Variants in INTS6 observed in about 807,000 individuals in gnomAD.
INTS6 encodes integrator complex subunit 6, also known as DEAD box protein.
INTS6 carries 16 observed loss-of-function variants against 104.9 expected under a neutral mutation model. The observed-to-expected ratio is 0.15, with a 90% CI of 0.10 to 0.23. The LOEUF is 0.23. Among genes scored for constraint, INTS6 ranks in the 10% least tolerant of loss-of-function variants. The pLI is 1.00. For synonymous variants in INTS6, 324 were observed against 358.7 expected (o/e 0.90, Z 1.09); for missense variants, 584 against 1,062.8 (o/e 0.55, Z 6.26).
intron 12 of INTS6, among the ~76,000 whole-genome samples, chr13:51,377,140 G>T (rs958313055): frequency 3.0e-4 from 46 of 152,026 alleles, no homozygotes; most frequent in African/African-American, 1.1e-3. Context: ...GGCTGATAAG[G>T]CTGAGTGTTA....
intron 3 of INTS6, chr13:51,450,700 C>T (rs1474650961): frequency 9.9e-7 from 1 of 1,008,486 alleles, no homozygotes; most frequent in African/African-American, 1.7e-5. Flanking sequence ...AATAGTTGCA[C>T]ATACAACATG....
intron 5 of INTS6, among the ~76,000 whole-genome samples, chr13:51,390,108 G>C (rs930271741): frequency 4.0e-5 from 6 of 151,796 alleles, no homozygotes; most frequent in Non-Finnish European, 8.8e-5. Context: ...AAATACTAGT[G>C]ATTTTTTTAA....
intron 17 of INTS6, among the ~76,000 whole-genome samples, chr13:51,366,191 C>G (rs895990249): frequency 6.6e-6 from 1 of 151,834 alleles, no homozygotes; most frequent in East Asian, 1.9e-4. Context: ...ATTTGGGCTC[C>G]CCAAGCAAAT....
At chr13:51,423,195 T>C (rs374069140) in intron 4 of INTS6, 1 of 414,022 alleles carries the variant, frequency 2.4e-6, no homozygotes, top group Non-Finnish European at 4.0e-6. Context: ...GCTGAATTAA[T>C]TTAAAATATA....
chr13:51,408,537 A>G (rs1424621799), intron 4 of INTS6, among the ~76,000 whole-genome samples: 1 of 152,206 alleles, frequency 6.6e-6, no homozygotes, highest in Non-Finnish European at 1.5e-5. Context: ...ATCATTTTGG[A>G]GAGCCATTAT....
Position 51,361,958 on chromosome 13 carries a change from A to C in INTS6, c.*3794T>G. 6.2e-7 allele frequency: 1 copy of C among 1,611,604 alleles called. No homozygotes were observed. Among genetic ancestry groups the C allele is most frequent in the Non-Finnish European group, 8.5e-7 (1 of 1,178,542 alleles). Reference sequence around the variant, plus strand: ...AGTGTCTCTCTAGCAACAAGGGCTCATTTGTCCACTATCCCCTCAAAAATA... The same window carrying C: ...AGTGTCTCTCTAGCAACAAGGGCTCCTTTGTCCACTATCCCCTCAAAAATA... On this transcript the variant is annotated 3_prime_UTR_variant, in exon 18 of 18. Coordinates refer to ENST00000311234, the MANE Select transcript of INTS6 (RefSeq NM_012141.3).
intron 15 of INTS6, among the ~76,000 whole-genome samples, chr13:51,369,944 G>A (rs1291402176): frequency 6.6e-6 from 1 of 152,098 alleles, no homozygotes; most frequent in Non-Finnish European, 1.5e-5. Flanking sequence ...CTTAACACCA[G>A]ATTATTAGAC....
At chr13:51,367,549 GAAT>G (rs1955716481) in intron 17 of INTS6, among the ~76,000 whole-genome samples, 1 of 151,942 alleles carries the variant, frequency 6.6e-6, no homozygotes, top group Admixed American at 6.6e-5. Context: ...CTACAGAGAA[GAAT>G]AACAAGAATT....
intron 15 of INTS6, among the ~76,000 whole-genome samples, chr13:51,370,399 C>T (rs1040963163): frequency 2.0e-5 from 3 of 152,146 alleles, no homozygotes; most frequent in Non-Finnish European, 4.4e-5. Context: ...CTATCTTAGG[C>T]CAATCTCCAG....
chr13:51,368,553 T>C (rs1270434204), intron 16 of INTS6, among the ~76,000 whole-genome samples: 1 of 152,176 alleles, frequency 6.6e-6, no homozygotes, highest in East Asian at 1.9e-4. Flanking sequence ...TATCACAGTT[T>C]AACTACTAAA....
Position 51,376,030 on chromosome 13 carries a change from T to C in INTS6, c.1729+18A>G, listed in dbSNP as rs1421365760. 7 of 1,582,046 alleles carry C rather than the reference T, an allele frequency of 4.4e-6. No individual in the cohort carries two copies. The East Asian group carries it at 1.6e-4, about 36-fold the overall frequency. On this transcript the variant is annotated intron_variant, in intron 13 of 17. Coordinates refer to ENST00000311234, the MANE Select transcript of INTS6 (RefSeq NM_012141.3). ...AGAAAAAAAATTAAAAATACCAGTA[T>C]TGAAACTATGTTCTAACCTTCGTCC...
chr13:51,400,383 T>C (rs1231848398), intron 4 of INTS6, among the ~76,000 whole-genome samples: 1 of 152,256 alleles, frequency 6.6e-6, no homozygotes, highest in Non-Finnish European at 1.5e-5. Context: ...GTGCTTTTTG[T>C]TTCCTCATAG....
In INTS6 at chr13:51,451,181, A is replaced by T. The variant is rs1953033989; in HGVS notation, c.190-7T>A. On this transcript the variant is annotated splice_region_variant and splice_polypyrimidine_tract_variant and intron_variant, in intron 2 of 17. Transcript: ENST00000311234. ...GGTTTTCTTTCCATCCAGCCTGAAA[A>T]GAAAAATGTAAGATTTTTTTTTTTC... is the stretch of plus-strand genomic sequence containing the variant. 1.3e-6 allele frequency: 2 copies of T among 1,546,198 alleles called. No individual in the cohort carries two copies. Among genetic ancestry groups the T allele is most frequent in the Non-Finnish European group, 1.7e-6 (2 of 1,153,292 alleles).
intron 4 of INTS6, among the ~76,000 whole-genome samples, chr13:51,416,415 G>A (rs1956787863): frequency 6.6e-6 from 1 of 152,046 alleles, no homozygotes; most frequent in South Asian, 2.1e-4. Context: ...CCAAGCCTCT[G>A]GCAACCACTT....
intron 16 of INTS6, 91 bp downstream of exon 16, chr13:51,368,847 CT>C: frequency 7.7e-7 from 1 of 1,302,764 alleles, no homozygotes. Flanking sequence ...CATATGTATT[CT>C]TTTACTACAG....
intron 15 of INTS6, among the ~76,000 whole-genome samples, chr13:51,372,439 T>A (rs1324787224): frequency 6.6e-6 from 1 of 152,154 alleles, no homozygotes; most frequent in Admixed American, 6.5e-5. Context: ...CTTTTCTGCT[T>A]TCTCCTCTTA....
At position 51,374,231 on chromosome 13, in the gene INTS6, A is replaced by C; in HGVS notation, c.2081T>G (p.Ile694Ser). The C allele has an allele frequency of 6.2e-7, 1 of 1,613,836 alleles. No homozygotes were observed. The highest frequency in any genetic ancestry group is 8.5e-7 in the Non-Finnish European group (1 of 1,179,732). Residue 694 changes from isoleucine (I) to serine (S), a missense_variant, in exon 15 of 18, where the codon ATT becomes AGT. Ile to Ser is a moderately radical substitution (Grantham distance 142). Around this residue, in one of 5 missense-constraint regions of INTS6, gnomAD observed 296 missense variants for 437.0 expected, o/e 0.68. Transcript: ENST00000311234. ...ACTTTTATGAAGAGGAAGAGGTTTA[A>C]TAAGATCTGGCTGTGCTTGAGTTGT... Reference protein sequence around the residue: ...APTTQAQPDLIKPLPLHKISE... With the variant: ...APTTQAQPDLSKPLPLHKISE...
chr13:51,450,325 C>T, intron 3 of INTS6: 8 of 985,356 alleles, frequency 8.1e-6, no homozygotes, highest in Non-Finnish European at 9.6e-6. Flanking sequence ...TGATTTAAAG[C>T]TCCTCTCATC....
At chr13:51,436,899 C>A (rs921885153) in intron 3 of INTS6, 2 of 152,066 alleles carry the variant, frequency 1.3e-5, no homozygotes, top group Non-Finnish European at 2.9e-5. Context: ...AGTAATTAAG[C>A]TATCAGAAAT....
Sources: allele counts gnomAD v4.1 joint callset (sites outside exome capture counted in the v4.1 genomes callset), GRCh38; gene constraint gnomAD v4.1.1; regional missense constraint gnomAD v4.1.1; transcripts MANE v1.5; gene names NCBI Gene and HGNC (gene_info 2026-07-23, HGNC 2026-07-21).